Variants in CEMIP observed in about 807,000 individuals in gnomAD.
CEMIP encodes the protein cell migration inducing hyaluronidase 1.
In CEMIP, 105 loss-of-function variants were observed where a neutral mutation model predicts 156.9. The observed-to-expected ratio is 0.67, with a 90% CI of 0.57 to 0.79. The LOEUF (loss-of-function observed/expected upper bound fraction) is 0.79. Among genes scored for constraint, CEMIP ranks in the 30% least tolerant of loss-of-function variants. CEMIP has a pLI of 0.00. For missense variants in CEMIP, 1,457 were observed against 1,769.4 expected, an observed-to-expected ratio of 0.82 and a Z score of 3.17; for synonymous variants, 676 against 668.4, an observed-to-expected ratio of 1.01 and a Z score of -0.17.
intron 1 of CEMIP, among the ~76,000 whole-genome samples, chr15:80,836,488 G>A (rs1897272177): frequency 6.6e-6 from 1 of 152,242 alleles, no homozygotes; most frequent in East Asian, 1.9e-4. Flanking sequence ...AGGTCTCACA[G>A]GGAAGGACGG....
chr15:80,803,421 A>G (rs16972386), intron 1 of CEMIP, among the ~76,000 whole-genome samples: 67,740 of 151,988 alleles, frequency 0.45, 16,489 homozygotes, highest in East Asian at 0.63. Context: ...AGTTCTAGGC[A>G]CTGGATTAAG....
intron 1 of CEMIP, among the ~76,000 whole-genome samples, chr15:80,858,565 A>T (rs1042402999): frequency 1.3e-5 from 2 of 151,720 alleles, no homozygotes; most frequent in Non-Finnish European, 2.9e-5. Flanking sequence ...AAAAAAAAAA[A>T]AAATACAAAA....
chr15:80,887,640 C>A, intron 7 of CEMIP, 54 bp from the exon 8 acceptor site: 1 of 1,379,626 alleles, frequency 7.2e-7, no homozygotes, highest in Non-Finnish European at 1.0e-6. Context: ...ACACTCTGTG[C>A]AGGTACAGAC....
In CEMIP at chr15:80,827,605, C is replaced by T. The variant is rs147180030; in HGVS notation, c.-175-45933C>T. On this transcript the variant is annotated intron_variant, in intron 1 of 29. Coordinates refer to ENST00000394685, the MANE Select transcript of CEMIP (RefSeq NM_001293298.2). ...CTGTACTCCAGCCTGGGAGACAGAG[C>T]GAGACTCTTTTTCAAAAACAAACAA... 7.9e-5 allele frequency among the ~76,000 whole-genome samples: 12 copies of T among 152,158 alleles called. No individual in the cohort carries two copies. The East Asian group carries it at 9.7e-4, about 12-fold the overall frequency.
intron 1 of CEMIP, among the ~76,000 whole-genome samples, chr15:80,837,445 G>T (rs1029851390): frequency 1.7e-4 from 26 of 152,176 alleles, no homozygotes; most frequent in African/African-American, 6.0e-4. Context: ...ACCTGGTACA[G>T]AACACAGGCA....
intron 28 of CEMIP, 90 bp downstream of exon 28, chr15:80,943,192 C>A: frequency 7.2e-7 from 1 of 1,396,268 alleles, no homozygotes; most frequent in Non-Finnish European, 1.0e-6. Context: ...GCCCTCATCA[C>A]AGATCAGTCT....
intron 1 of CEMIP, among the ~76,000 whole-genome samples, chr15:80,831,042 C>T (rs563638992): frequency 3.3e-5 from 5 of 152,284 alleles, no homozygotes; most frequent in East Asian, 3.9e-4. Context: ...AGGCAGTTAC[C>T]GTGCTGGGAG....
At chr15:80,790,039 T>G (rs915949247) in intron 1 of CEMIP, among the ~76,000 whole-genome samples, 2 of 152,132 alleles carry the variant, frequency 1.3e-5, no homozygotes, top group African/African-American at 4.8e-5. Context: ...TTAGTGGCCA[T>G]TGTGGGATAC....
rs1266046210 is a variant in CEMIP, at chr15:80,810,831, TCCATC to T, written c.-176+31219_-176+31223del. On this transcript the variant is annotated intron_variant, in intron 1 of 29. Coordinates refer to ENST00000394685, the MANE Select transcript of CEMIP (RefSeq NM_001293298.2). ...ATCCATCCATCCATCCATCCATCCA[TCCATC>T]CATCCATCCAACCAGCCACTCTCAC... Among the ~76,000 whole-genome samples the T allele has an allele frequency of 2.6e-5, 4 of 151,950 alleles. No homozygotes were observed. The East Asian group carries it at 7.7e-4, about 29-fold the overall frequency.
Position 80,906,557 on chromosome 15 carries a change from G to C in CEMIP, c.1412-106G>C. 1 of 1,118,094 alleles carries C rather than the reference G, an allele frequency of 8.9e-7. No individual in the cohort carries two copies. Among genetic ancestry groups the C allele is most frequent in the East Asian group, 2.4e-5 (1 of 41,984 alleles). 69.3% of individuals were successfully genotyped at this position (1,118,094 alleles called of 1,614,324 possible). Reference sequence around the variant, plus strand: ...AACATGAGACCACTGTGCACACCAGGCATGGCGATGAGTAAGCAGCAGCCA... The same window carrying C: ...AACATGAGACCACTGTGCACACCAGCCATGGCGATGAGTAAGCAGCAGCCA... On this transcript the variant is annotated intron_variant, in intron 12 of 29. Coordinates refer to ENST00000394685, the MANE Select transcript of CEMIP (RefSeq NM_001293298.2). The surrounding 1 kb of genome is among the most constrained non-coding windows in gnomAD (Gnocchi z 4.3).
intron 1 of CEMIP, among the ~76,000 whole-genome samples, chr15:80,833,646 G>A (rs929487258): frequency 1.3e-5 from 2 of 151,476 alleles, no homozygotes; most frequent in South Asian, 4.2e-4. Context: ...ATTTGTAGTA[G>A]GAGCAGCAGT....
intron 1 of CEMIP, among the ~76,000 whole-genome samples, chr15:80,782,734 C>T (rs767532932): frequency 6.6e-6 from 1 of 152,118 alleles, no homozygotes; most frequent in African/African-American, 2.4e-5. Context: ...TAGCTTCTTC[C>T]GTCTAAAAGG....
intron 14 of CEMIP, among the ~76,000 whole-genome samples, chr15:80,913,704 C>T (rs1900152599): frequency 6.6e-6 from 1 of 152,222 alleles, no homozygotes; most frequent in Non-Finnish European, 1.5e-5. Flanking sequence ...CTGTATCTAA[C>T]TGTGTTCTGT....
Position 80,929,036 on chromosome 15 carries a change from A to G in CEMIP, c.2474A>G (p.Tyr825Cys). Reference protein sequence around the residue: ...LTLASGGTFPYDDGSKQEIKN... With the variant: ...LTLASGGTFPCDDGSKQEIKN... ...CTCTACAGTGGTGGAACCTTCCCGT[A>G]TGACGACGGCTCCAAGCAAGAGATA... The change falls in exon 21 of 30, where the codon TAT (tyrosine) becomes TGT (cysteine). Residue 825 changes from tyrosine to cysteine, a missense_variant. This residue lies in a region of CEMIP where 798 missense variants were observed against 980.1 expected (regional missense o/e 0.81). Transcript: ENST00000394685. 1 of 1,614,196 alleles carries G rather than the reference A, an allele frequency of 6.2e-7. No individual in the cohort carries two copies. Among genetic ancestry groups the G allele is most frequent in the Non-Finnish European group, 8.5e-7 (1 of 1,180,034 alleles).
intron 1 of CEMIP, among the ~76,000 whole-genome samples, chr15:80,840,573 C>G (rs983966343): frequency 1.2e-4 from 18 of 152,346 alleles, no homozygotes. Flanking sequence ...GTGGGCCTGG[C>G]TCCTACAGCA....
intron 1 of CEMIP, among the ~76,000 whole-genome samples, chr15:80,856,377 T>C (rs1233760036): frequency 6.6e-6 from 1 of 152,250 alleles, no homozygotes; most frequent in Non-Finnish European, 1.5e-5. Flanking sequence ...TACTGTGAAA[T>C]GCATCCAAAG....
In CEMIP at chr15:80,937,989, C is replaced by T. The variant is rs368222278; in HGVS notation, c.3407+10C>T. On this transcript the variant is annotated intron_variant, in intron 25 of 29. Transcript: ENST00000394685. Reference sequence around the variant, plus strand: ...GGGACGAGGACTCAGGGTGAGCAGGCGCCCACTTGGCTGCAGGAAAGTGGC... The same window carrying T: ...GGGACGAGGACTCAGGGTGAGCAGGTGCCCACTTGGCTGCAGGAAAGTGGC... 1.4e-5 allele frequency: 23 copies of T among 1,611,024 alleles called. No homozygotes were observed. Among genetic ancestry groups the T allele is most frequent in the East Asian group, 1.1e-4 (5 of 44,816 alleles).
At chr15:80,833,859 G>A (rs1897212210) in intron 1 of CEMIP, among the ~76,000 whole-genome samples, 1 of 151,926 alleles carries the variant, frequency 6.6e-6, no homozygotes, top group Non-Finnish European at 1.5e-5. Context: ...TAGTAGAGAT[G>A]GGGTTTTGCC....
At chr15:80,862,691 A>G (rs1246878472) in intron 1 of CEMIP, among the ~76,000 whole-genome samples, 1 of 152,232 alleles carries the variant, frequency 6.6e-6, no homozygotes, top group Non-Finnish European at 1.5e-5. Flanking sequence ...CGAAGATAGC[A>G]GCAGGTGGAT....
Sources: gnomAD v4.1 joint callset for allele counts (sites outside exome capture counted in the v4.1 genomes callset) on GRCh38, gnomAD v4.1.1 for gene constraint, gnomAD v4.1.1 regional missense constraint, Gnocchi (gnomAD v3.1) non-coding constraint, MANE v1.5 for transcripts, NCBI Gene and HGNC (gene_info 2026-07-23, HGNC 2026-07-21) for gene names.